MARCHF1: variants seen among roughly 807,000 people sequenced by gnomAD.
The protein encoded by MARCHF1 is membrane associated ring-CH-type finger 1, also known as E3 ubiquitin-protein ligase MARCHF1.
A neutral mutation model predicts 54.2 loss-of-function variants in MARCHF1; 40 were observed. The observed-to-expected ratio is 0.74, with a 90% CI of 0.57 to 0.96. The LOEUF (loss-of-function observed/expected upper bound fraction) is 0.96, where lower values mean the gene tolerates loss of function less well. MARCHF1 is among the 40% of genes least tolerant of loss of function. The pLI, the probability that MARCHF1 is intolerant of heterozygous loss-of-function variation, is 0.00. For synonymous variants in MARCHF1, 236 were observed against 236.3 expected (o/e 1.00, Z 0.01); for missense variants, 586 against 656.5 (o/e 0.89, Z 1.17).
chr4:163,886,872 T>C (rs962848209), intron 3 of MARCHF1, among the ~76,000 whole-genome samples: 1 of 152,030 alleles, frequency 6.6e-6, no homozygotes, highest in African/African-American at 2.4e-5. Context: ...AGAATGAAAA[T>C]GTCAGATGTT....
chr4:163,767,100 A>T (rs1186478860), intron 4 of MARCHF1, among the ~76,000 whole-genome samples: 1 of 46,670 alleles, frequency 2.1e-5, no homozygotes, highest in Non-Finnish European at 4.8e-5. Context: ...CGGCGATGTA[A>T]AAAAAAAAAA....
intron 1 of MARCHF1, among the ~76,000 whole-genome samples, chr4:164,347,883 G>T (rs1730154512): frequency 1.3e-5 from 2 of 152,106 alleles, no homozygotes; most frequent in Non-Finnish European, 2.9e-5. Context: ...TGTTCATGGT[G>T]TTTAATGCCA....
intron 1 of MARCHF1, among the ~76,000 whole-genome samples, chr4:164,250,509 A>G (rs897103616): frequency 1.3e-5 from 2 of 152,098 alleles, no homozygotes; most frequent in Non-Finnish European, 2.9e-5. Context: ...AACTAGGGGA[A>G]AATTAAAACT....
intron 7 of MARCHF1, among the ~76,000 whole-genome samples, chr4:163,610,491 A>C (rs1359480070): frequency 6.6e-6 from 1 of 152,074 alleles, no homozygotes; most frequent in African/African-American, 2.4e-5. Context: ...CTTTAATTGC[A>C]AGCATTATTT....
At chr4:164,146,340 A>G (rs997128131) in intron 1 of MARCHF1, among the ~76,000 whole-genome samples, 11 of 149,666 alleles carry the variant, frequency 7.3e-5, no homozygotes, top group African/African-American at 2.7e-4. Flanking sequence ...TTCATATGGA[A>G]CCAAAAAAGA....
chr4:163,528,764 T>G lies in MARCHF1; in HGVS notation c.1622A>C (p.Glu541Ala). Residue 541 changes from glutamate (E) to alanine (A), a missense_variant, in exon 10 of 10, where the codon GAA becomes GCA. Physicochemically the swap from Glu to Ala is moderately radical, Grantham distance 107. Coordinates refer to ENST00000514618, the MANE Select transcript of MARCHF1 (RefSeq NM_001394959.1). The part of the protein sequence containing the change: ...SLPSAEGGPP[E>A]VVSV ...CAGGTTCCATCAGACTGATACAACT[T>G]CAGGGGGGCCACCCTCTGCAGATGG... 1 of 1,611,090 alleles carries G rather than the reference T, an allele frequency of 6.2e-7. No individual in the cohort carries two copies. Among genetic ancestry groups the G allele is most frequent in the Admixed American group, 1.7e-5 (1 of 59,834 alleles).
chr4:163,865,835 A>G (rs538899706), intron 3 of MARCHF1, among the ~76,000 whole-genome samples: 57 of 151,834 alleles, frequency 3.8e-4, no homozygotes, highest in African/African-American at 1.3e-3. Flanking sequence ...GATTTTTATC[A>G]TTTATATGAA....
At chr4:163,745,237 G>A (rs946936309) in intron 4 of MARCHF1, among the ~76,000 whole-genome samples, 2 of 149,430 alleles carry the variant, frequency 1.3e-5, no homozygotes, top group South Asian at 2.1e-4. Flanking sequence ...TCAGCCCCCC[G>A]AGTAGCTGGG....
intron 2 of MARCHF1, among the ~76,000 whole-genome samples, chr4:164,011,027 A>C (rs919640895): frequency 1.3e-5 from 2 of 152,220 alleles, no homozygotes; most frequent in African/African-American, 4.8e-5. Context: ...AAGTCTCTTC[A>C]ATAAATGATG....
At chr4:163,978,285 TA>T (rs1316024548) in intron 3 of MARCHF1, among the ~76,000 whole-genome samples, 1 of 152,198 alleles carries the variant, frequency 6.6e-6, no homozygotes, top group Non-Finnish European at 1.5e-5. Context: ...CATGCAACCT[TA>T]AATATTTTCT....
intron 1 of MARCHF1, among the ~76,000 whole-genome samples, chr4:164,342,178 T>C (rs747654910): frequency 6.6e-6 from 1 of 152,036 alleles, no homozygotes; most frequent in Non-Finnish European, 1.5e-5. Context: ...AGAAGACATA[T>C]GAATAGCCAA....
At chr4:163,828,054 C>CACACAGAG (rs774603753) in intron 4 of MARCHF1, among the ~76,000 whole-genome samples, 8,739 of 148,194 alleles carry the variant, frequency 0.059, 355 homozygotes, top group East Asian at 0.077. Context: ...CACACACACA[C>CACACAGAG]AGACACACCT....
chr4:164,128,475 A>C (rs1756233226), intron 1 of MARCHF1, among the ~76,000 whole-genome samples: 2 of 152,110 alleles, frequency 1.3e-5, no homozygotes, highest in African/African-American at 4.8e-5. Flanking sequence ...ATATGAACAG[A>C]GAATTCATAA....
At chr4:163,928,205 T>C (rs1477504088) in intron 3 of MARCHF1, among the ~76,000 whole-genome samples, 1 of 151,926 alleles carries the variant, frequency 6.6e-6, no homozygotes, top group Non-Finnish European at 1.5e-5. Context: ...TGATTTACTC[T>C]TTCTATTCAT....
chr4:163,673,738 T>C (rs1743811419), intron 5 of MARCHF1, among the ~76,000 whole-genome samples: 3 of 152,182 alleles, frequency 2.0e-5, no homozygotes, highest in Non-Finnish European at 2.9e-5. Flanking sequence ...GTATATAATA[T>C]TAACTTTGGA....
chr4:163,734,157 AC>A lies in MARCHF1; in HGVS notation c.112-33295del, dbSNP rs1745962319. 2.0e-5 allele frequency among the ~76,000 whole-genome samples: 3 copies of A among 152,322 alleles called. No individual in the cohort carries two copies. In the South Asian group the frequency reaches 6.2e-4, roughly 32 times the overall value. ...AAAATTAGAACAAACAAGCAAAGAA[AC>A]AAAAAGACTTGACCATTACAAGTGT... is the stretch of plus-strand genomic sequence containing the variant. On this transcript the variant is annotated intron_variant, in intron 4 of 9. Transcript: ENST00000514618.
At chr4:164,005,910 G>C (rs1723780133) in intron 2 of MARCHF1, among the ~76,000 whole-genome samples, 2 of 151,974 alleles carry the variant, frequency 1.3e-5, no homozygotes, top group South Asian at 2.1e-4. Flanking sequence ...CCTATCTAAG[G>C]AATCACCTAG....
At chr4:164,091,206 AAAAT>A (rs1250027080) in intron 2 of MARCHF1, among the ~76,000 whole-genome samples, 9 of 152,164 alleles carry the variant, frequency 5.9e-5, no homozygotes, top group Non-Finnish European at 1.0e-4. Flanking sequence ...TAAAAATTAA[AAAAT>A]AAAATACAGA....
chr4:163,525,782 GT>G lies in MARCHF1; in HGVS notation c.*2965del, dbSNP rs1253484082. On this transcript the variant is annotated 3_prime_UTR_variant, in exon 10 of 10. Coordinates refer to ENST00000514618, the MANE Select transcript of MARCHF1 (RefSeq NM_001394959.1). Reference sequence around the variant, plus strand: ...CTCAAAATTTGCATTCCGTAGAGCAGTTTTTCTTTTTGAAGGGTATAGTCAG... The same window carrying G: ...CTCAAAATTTGCATTCCGTAGAGCAGTTTTCTTTTTGAAGGGTATAGTCAG... 1 of 151,892 alleles carries G rather than the reference GT, an allele frequency of 6.6e-6. No individual in the cohort carries two copies. The highest frequency in any genetic ancestry group is 2.4e-5 in the African/African-American group (1 of 41,366). 9.4% of individuals were successfully genotyped at this position (151,892 alleles called of 1,614,324 possible). A position where few individuals can be genotyped will look rare whatever the true frequency, so the allele number is the denominator to read the frequency against.
Sources: allele counts gnomAD v4.1 joint callset (sites outside exome capture counted in the v4.1 genomes callset), GRCh38; gene constraint gnomAD v4.1.1; transcripts MANE v1.5; gene names NCBI Gene and HGNC (gene_info 2026-07-23, HGNC 2026-07-21).